Variants in PIGG observed in about 807,000 individuals in gnomAD.
PIGG encodes the protein GPI ethanolamine phosphate transferase 2, catalytic subunit.
In PIGG, 70 loss-of-function variants were observed where a neutral mutation model predicts 83.2. The observed-to-expected ratio is 0.84, with a 90% confidence interval of 0.69 to 1.03. The LOEUF (loss-of-function observed/expected upper bound fraction) is 1.03, where lower values mean the gene tolerates loss of function less well. Ranked by LOEUF, PIGG falls within the 50% of genes least tolerant of loss-of-function variation. The probability of loss-of-function intolerance (pLI) is 0.00; values close to 1 mark genes in which losing one functional copy is unlikely to be tolerated. For missense variants in PIGG, 1,257 were observed against 1,233.6 expected, an observed-to-expected ratio of 1.02 and a Z score of -0.28; for synonymous variants, 532 against 519.5, an observed-to-expected ratio of 1.02 and a Z score of -0.33.
At position 505,762 on chromosome 4, in the gene PIGG, G is replaced by A. The variant is rs782043045; in HGVS notation, c.405G>A (p.Arg135=). Residue 135 remains arginine, a synonymous_variant, in exon 3 of 13, where the codon AGG becomes AGA. Coordinates refer to ENST00000453061, the MANE Select transcript of PIGG (RefSeq NM_001127178.3). Reference sequence around the variant, plus strand: ...TTCCTGGCTTTGTCGACGTCATCAGGAACCTCAATTCTCCTGCACTGCTGG... The same window carrying A: ...TTCCTGGCTTTGTCGACGTCATCAGAAACCTCAATTCTCCTGCACTGCTGG... ...GSLPGFVDVI[R]NLNSPALLED... 102 of 1,613,518 alleles carry A rather than the reference G, an allele frequency of 6.3e-5. No homozygotes were observed. Among genetic ancestry groups the A allele is most frequent in the Non-Finnish European group, 8.5e-5 (100 of 1,179,942 alleles).
chr4:529,570 G>T (rs1166693159), intron 10 of PIGG, among the ~76,000 whole-genome samples: 2 of 152,238 alleles, frequency 1.3e-5, no homozygotes, highest in East Asian at 3.8e-4. Context: ...TAGGCTGTGT[G>T]AAGCATTTCA....
chr4:501,053 G>T (rs1553875561), intron 2 of PIGG: 2 of 445,172 alleles, frequency 4.5e-6, no homozygotes, highest in Admixed American at 5.2e-5. Context: ...GATCAAATCA[G>T]TATGTTCCGG....
At position 516,022 on chromosome 4, in the gene PIGG, A is replaced by G; in HGVS notation, c.951A>G (p.Thr317=). The change falls in exon 6 of 13, where the codon ACA becomes ACG. Residue 317 remains threonine (T), a synonymous_variant. Coordinates refer to ENST00000453061, the MANE Select transcript of PIGG (RefSeq NM_001127178.3). ...KHVQQTDVAA[T]LAIALGLPIP... ...TCCAACAGACGGATGTGGCTGCGAC[A>G]CTGGCGATAGCACTTGGCTTACCGA... The G allele has an allele frequency of 1.2e-6, 2 of 1,614,254 alleles. No homozygotes were observed. Among genetic ancestry groups the G allele is most frequent in the Non-Finnish European group, 1.7e-6 (2 of 1,180,038 alleles).
intron 8 of PIGG, 42 bp from the exon 9 acceptor site, chr4:523,417 T>C (rs191908182): frequency 7.2e-7 from 1 of 1,395,740 alleles, no homozygotes; most frequent in East Asian, 2.3e-5. Context: ...ATGTGTGTCG[T>C]TATCAGACCG....
chr4:521,043 GTCT>G lies in PIGG; in HGVS notation c.1115-8_1115-6del. On this transcript the variant is annotated splice_polypyrimidine_tract_variant and intron_variant, in intron 6 of 12. Transcript: ENST00000453061. ...GTGTGTGCGCGCCTGTAACCTTTCT[GTCT>G]TCTTAATAGATCCTGGGTTTGAGCA... 1.3e-6 allele frequency: 2 copies of G among 1,596,576 alleles called. No homozygotes were observed. The highest frequency in any genetic ancestry group is 8.6e-7 in the Non-Finnish European group (1 of 1,164,050).
chr4:530,228 C>T (rs1024530237), intron 10 of PIGG, among the ~76,000 whole-genome samples: 4 of 152,078 alleles, frequency 2.6e-5, no homozygotes, highest in Non-Finnish European at 4.4e-5. Flanking sequence ...GGGCCTGTGG[C>T]GGCGGCTCCT....
At position 501,497 on chromosome 4, in the gene PIGG, G is replaced by A. The variant is rs560458575; in HGVS notation, c.360+896G>A. 7 of 188,366 alleles carry A rather than the reference G, an allele frequency of 3.7e-5. No homozygotes were observed. The East Asian group carries it at 4.9e-4, about 13-fold the overall frequency. The allele number at this position is 188,366 out of a possible 1,614,324, so 11.7% of individuals were successfully genotyped here. On this transcript the variant is annotated intron_variant, in intron 2 of 12. Coordinates refer to ENST00000453061, the MANE Select transcript of PIGG (RefSeq NM_001127178.3). ...GTGTGTGAGTGTATCGCATGTGAGC[G>A]TGGCATAAAGTCTCTGACGGAGCCT...
chr4:513,686 G>A (rs372336045), intron 5 of PIGG, among the ~76,000 whole-genome samples: 74 of 152,298 alleles, frequency 4.9e-4, no homozygotes, highest in South Asian at 2.7e-3. Context: ...AGAGACCGGC[G>A]GTGAAAGGAT....
At chr4:502,479 A>G (rs1341549857) in intron 2 of PIGG, 1 of 152,226 alleles carries the variant, frequency 6.6e-6, no homozygotes, top group Non-Finnish European at 1.5e-5. Flanking sequence ...GTGTTGATAC[A>G]TTTGTAACCA....
Position 521,842 on chromosome 4 carries a change from G to A in PIGG, c.1515G>A (p.Trp505Ter), listed in dbSNP as rs150259543. The change falls in exon 8 of 13, where the codon TGG becomes TGA. Residue 505 changes from tryptophan (W) to a stop codon, truncating the protein, a stop_gained. Transcript: ENST00000453061. LOFTEE classifies it high-confidence loss of function. ...ESSCYFCGLSWLAAGGVMVLA... is the reference protein window; with the variant it reads ...ESSCYFCGLS Reference sequence around the variant, plus strand: ...CGTGCTACTTCTGTGGCCTCTCGTGGCTGGCGGCAGGTGGGGTGATGGTGC... The same window carrying A: ...CGTGCTACTTCTGTGGCCTCTCGTGACTGGCGGCAGGTGGGGTGATGGTGC... 1,719 of 1,614,208 alleles carry A rather than the reference G, an allele frequency of 1.1e-3. 2 individuals carry two copies. The highest frequency in any genetic ancestry group is 1.4e-3 in the Non-Finnish European group (1,605 of 1,180,030).
In PIGG at chr4:533,837, C is replaced by T; in HGVS notation, c.2591C>T (p.Ala864Val). 6.2e-7 allele frequency: 1 copy of T among 1,614,196 alleles called. No individual in the cohort carries two copies. The highest frequency in any genetic ancestry group is 1.3e-5 in the African/African-American group (1 of 75,078). ...FYFQGNSNNI[A>V]TVDISAGFVG... The stretch of plus-strand genomic sequence containing the variant: ...TTCCAGGGCAACTCCAACAACATTG[C>T]CACCGTGGACATCTCCGCAGGCTTC... The change falls in exon 12 of 13, where the codon GCC becomes GTC. Residue 864 changes from alanine to valine, a missense_variant. By Grantham distance (64) the Ala-to-Val change is moderately conservative. Coordinates refer to ENST00000453061, the MANE Select transcript of PIGG (RefSeq NM_001127178.3).
chr4:506,729 C>T (rs544861543), intron 3 of PIGG: 3 of 455,698 alleles, frequency 6.6e-6, no homozygotes, highest in South Asian at 3.1e-5. Flanking sequence ...TGATCAACTG[C>T]TCATCTCTCC....
intron 6 of PIGG, among the ~76,000 whole-genome samples, chr4:520,807 G>A (rs902813604): frequency 6.6e-6 from 1 of 152,222 alleles, no homozygotes. Context: ...TGCCATCCGC[G>A]GGTGTATGCC....
chr4:534,066 G>A (rs991601853), intron 12 of PIGG, 85 bp downstream of exon 12: 7 of 1,181,988 alleles, frequency 5.9e-6, no homozygotes, highest in Admixed American at 5.9e-5. Context: ...ATGCAAGGGG[G>A]TCTAAGCTCC....
chr4:535,008 GCA>G (rs1034585466), intron 12 of PIGG, among the ~76,000 whole-genome samples: 1 of 152,248 alleles, frequency 6.6e-6, no homozygotes, highest in East Asian at 1.9e-4. Flanking sequence ...TCCCACCGCC[GCA>G]CACTCTCTGC....
chr4:511,620 C>T (rs1336337518), intron 5 of PIGG, among the ~76,000 whole-genome samples: 1 of 152,186 alleles, frequency 6.6e-6, no homozygotes, highest in Non-Finnish European at 1.5e-5. Flanking sequence ...TATATAATTG[C>T]TTTTAAATCA....
rs1345552022 is a variant in PIGG at position 533,840 on chromosome 4, C to A, written c.2594C>A (p.Thr865Asn). The stretch of plus-strand genomic sequence containing the variant: ...CAGGGCAACTCCAACAACATTGCCA[C>A]CGTGGACATCTCCGCAGGCTTCGTG... Reference protein sequence around the residue: ...YFQGNSNNIATVDISAGFVGL... With the variant: ...YFQGNSNNIANVDISAGFVGL... The change falls in exon 12 of 13, where the codon ACC becomes AAC. Residue 865 changes from threonine (T) to asparagine (N), a missense_variant. By Grantham distance (65) the Thr-to-Asn change is moderately conservative. Coordinates refer to ENST00000453061, the MANE Select transcript of PIGG (RefSeq NM_001127178.3). 1 of 1,614,250 alleles carries A rather than the reference C, an allele frequency of 6.2e-7. No individual in the cohort carries two copies. The highest frequency in any genetic ancestry group is 1.3e-5 in the African/African-American group (1 of 75,074).
rs1720847102 is a variant in PIGG, at chr4:508,829, G to A, written c.760G>A (p.Glu254Lys). 2 of 1,613,610 alleles carry A rather than the reference G, an allele frequency of 1.2e-6. No homozygotes were observed. The highest frequency in any genetic ancestry group is 1.7e-5 in the Admixed American group (1 of 59,982). ...GAAATGTTTTTCCTTTGCCTTAAAG[G>A]AGAGAGAGACGCCTTTACCCAATTT... The part of the protein sequence containing the change: ...MKIHTSLQSK[E>K]RETPLPNLLV... The change falls in exon 5 of 13, where the codon GAG becomes AAG. Residue 254 changes from glutamate (E) to lysine (K), a missense_variant and splice_region_variant. Glu to Lys is a moderately conservative substitution (Grantham distance 56). Transcript: ENST00000453061.
intron 12 of PIGG, chr4:536,891 CCT>C (rs1337557442): frequency 1.3e-5 from 2 of 152,246 alleles, no homozygotes; most frequent in African/African-American, 2.4e-5. Context: ...TTGCCCGGCT[CCT>C]CTCTCTGTAG....
Sources: allele counts gnomAD v4.1 joint callset (sites outside exome capture counted in the v4.1 genomes callset), GRCh38; gene constraint gnomAD v4.1.1; transcripts MANE v1.5; gene names NCBI Gene and HGNC (gene_info 2026-07-23, HGNC 2026-07-21).